The following ATP2C2 variants were observed in gnomAD, a reference collection of about 807,000 sequenced individuals.
The protein encoded by ATP2C2 is calcium-transporting ATPase type 2C member 2.
ATP2C2 carries 171 observed loss-of-function variants against 110.8 expected under a neutral mutation model. The observed-to-expected ratio is 1.54, with a 90% CI of 1.36 to 1.75. The LOEUF (loss-of-function observed/expected upper bound fraction) is 1.75, where lower values mean the gene tolerates loss of function less well. Among genes scored for constraint, ATP2C2 ranks in the 40% most tolerant of loss-of-function variants. The pLI, the probability that ATP2C2 is intolerant of heterozygous loss-of-function variation, is 0.00. For missense variants in ATP2C2, 1,963 were observed against 1,235.0 expected (o/e 1.59, Z -8.84); for synonymous variants, 804 against 508.4 (o/e 1.58, Z -7.82).
At chr16:84,409,919 G>A (rs528989373) in intron 4 of ATP2C2, among the ~76,000 whole-genome samples, 7 of 152,226 alleles carry the variant, frequency 4.6e-5, no homozygotes, top group Admixed American at 1.3e-4. Flanking sequence ...CAATTAAAAG[G>A]CTGGAGTAGG....
rs1437204523 is a variant in ATP2C2, at chr16:84,412,334, CTG to C, written c.515+1571_515+1572del. Reference sequence around the variant, plus strand: ...TCTGCACGTGTGTGTGCGTGTGTGTCTGTATGCGTGTGTCTGCGTGCGTGTGT... The same window carrying C: ...TCTGCACGTGTGTGTGCGTGTGTGTCTATGCGTGTGTCTGCGTGCGTGTGT... On this transcript the variant is annotated intron_variant, in intron 6 of 26. Coordinates refer to ENST00000262429, the MANE Select transcript of ATP2C2 (RefSeq NM_014861.4). Among the ~76,000 whole-genome samples, 8 of 127,748 alleles carry C rather than the reference CTG, an allele frequency of 6.3e-5. 1 individual carries two copies. The highest frequency in any genetic ancestry group is 5.1e-4 in the South Asian group (2 of 3,914). The allele number at this position is 127,748 out of a possible 152,430, so 83.8% of individuals were successfully genotyped here.
chr16:84,398,672 C>T, intron 2 of ATP2C2, 63 bp downstream of exon 2: 2 of 1,343,966 alleles, frequency 1.5e-6, no homozygotes, highest in South Asian at 1.3e-5. Context: ...AAGAAAGCAA[C>T]ACAAAGCCCT....
At chr16:84,384,952 G>A (rs930098033) in intron 1 of ATP2C2, among the ~76,000 whole-genome samples, 3 of 152,220 alleles carry the variant, frequency 2.0e-5, no homozygotes, top group African/African-American at 7.2e-5. Context: ...AGGAGGCTGA[G>A]GCAGGAGTAT....
chr16:84,419,208 T>TAAAAA (rs59552270), intron 7 of ATP2C2, among the ~76,000 whole-genome samples: 21 of 47,490 alleles, frequency 4.4e-4, no homozygotes, highest in Middle Eastern at 0.018. Flanking sequence ...ACCCCATCTT[T>TAAAAA]AAAAAAAAAA....
chr16:84,425,935 C>T (rs957324090), intron 11 of ATP2C2, 134 bp downstream of exon 11: 7 of 1,084,600 alleles, frequency 6.5e-6, no homozygotes, highest in African/African-American at 4.7e-5. Flanking sequence ...ACCCAAACTC[C>T]AGCCTCCCAA....
intron 21 of ATP2C2, among the ~76,000 whole-genome samples, chr16:84,456,465 C>T (rs1303798785): frequency 2.1e-5 from 3 of 142,838 alleles, no homozygotes; most frequent in African/African-American, 7.8e-5. Context: ...CGCTCCTATT[C>T]AACATAGTGT....
chr16:84,455,489 C>G (rs966228642), intron 21 of ATP2C2, among the ~76,000 whole-genome samples: 1 of 152,164 alleles, frequency 6.6e-6, no homozygotes, highest in Non-Finnish European at 1.5e-5. Flanking sequence ...CGGAGGTGCT[C>G]TCTAGGTTCT....
Position 84,412,454 on chromosome 16 carries a change from G to A in ATP2C2, c.515+1689G>A, listed in dbSNP as rs569595616. Among the ~76,000 whole-genome samples, 319 of 124,634 alleles carry A rather than the reference G, an allele frequency of 2.6e-3. 4 individuals carry two copies. Among genetic ancestry groups the A allele is most frequent in the African/African-American group, 7.8e-3 (303 of 38,866 alleles). The allele number at this position is 124,634 out of a possible 152,430, so 81.8% of individuals were successfully genotyped here. A position where few individuals can be genotyped will look rare whatever the true frequency, so the allele number is the denominator to read the frequency against. The stretch of plus-strand genomic sequence containing the variant: ...CGTGTGTGTATGCATGTGTGTGTCT[G>A]TGTCTCCGTGTGTGTGTCTGTGCAT... On this transcript the variant is annotated intron_variant, in intron 6 of 26. Coordinates refer to ENST00000262429, the MANE Select transcript of ATP2C2 (RefSeq NM_014861.4).
chr16:84,383,104 G>A (rs1223863350), intron 1 of ATP2C2, among the ~76,000 whole-genome samples: 2 of 152,302 alleles, frequency 1.3e-5, no homozygotes, highest in African/African-American at 4.8e-5. Flanking sequence ...GTTCCTGGGA[G>A]CCACTGTCCT....
intron 21 of ATP2C2, among the ~76,000 whole-genome samples, chr16:84,455,700 T>C (rs904232233): frequency 1.3e-5 from 2 of 151,546 alleles, no homozygotes; most frequent in Non-Finnish European, 2.9e-5. Context: ...TCGTGCACTT[T>C]ACAAAGGTGT....
chr16:84,461,702 C>G lies in ATP2C2; in HGVS notation c.2482-12C>G. On this transcript the variant is annotated splice_polypyrimidine_tract_variant and intron_variant, in intron 24 of 26. Transcript: ENST00000262429. ...TCCCGCCTAACCTCTCACCTTTGTG[C>G]TCACCTTCCAGATGCCTGAAGACAG... 1 of 1,611,750 alleles carries G rather than the reference C, an allele frequency of 6.2e-7. No individual in the cohort carries two copies. The highest frequency in any genetic ancestry group is 8.5e-7 in the Non-Finnish European group (1 of 1,177,780).
chr16:84,416,571 A>C (rs1327604901), intron 7 of ATP2C2, among the ~76,000 whole-genome samples: 1 of 152,108 alleles, frequency 6.6e-6, no homozygotes, highest in Non-Finnish European at 1.5e-5. Flanking sequence ...CTGTCTGTGA[A>C]ATAGGAGGCA....
chr16:84,455,029 G>T (rs757116129), intron 21 of ATP2C2, 45 bp downstream of exon 21: 3 of 1,578,416 alleles, frequency 1.9e-6, no homozygotes, highest in Admixed American at 3.4e-5. Context: ...AAATGCCTGG[G>T]GTCACCAGCT....
At chr16:84,461,522 A>G (rs1052058475) in intron 24 of ATP2C2, 192 bp from the exon 25 acceptor site, 9 of 639,560 alleles carry the variant, frequency 1.4e-5, no homozygotes, top group Non-Finnish European at 2.5e-5. Context: ...GCAGCAAATC[A>G]GCATGTGCTG....
At chr16:84,405,793 G>A (rs934012113) in intron 3 of ATP2C2, among the ~76,000 whole-genome samples, 1 of 152,142 alleles carries the variant, frequency 6.6e-6, no homozygotes. Flanking sequence ...GGTAGTGGAT[G>A]CCTGTAATCC....
At chr16:84,386,106 G>A (rs1890356141) in intron 1 of ATP2C2, among the ~76,000 whole-genome samples, 2 of 151,950 alleles carry the variant, frequency 1.3e-5, no homozygotes, top group Admixed American at 6.6e-5. Context: ...GCTTCATTTT[G>A]TACTTTCTGT....
chr16:84,455,058 C>A, intron 21 of ATP2C2, 74 bp downstream of exon 21: 4 of 1,254,938 alleles, frequency 3.2e-6, no homozygotes, highest in Non-Finnish European at 4.4e-6. Flanking sequence ...GAACCTGCTA[C>A]TGTGGAGATA....
rs370814551 is a variant in ATP2C2, at chr16:84,425,780, G to C, written c.965G>C (p.Ser322Thr). ...IGWSQGKQLL[S>T]MFTIGVSLAV... ...TGGTCGCAAGGGAAACAACTCCTGA[G>C]TATGTTCACGATCGGGGTCAGGTAA... is the stretch of plus-strand genomic sequence containing the variant. The change falls in exon 11 of 27, where the codon AGT (serine) becomes ACT (threonine). Residue 322 changes from serine (S) to threonine (T), a missense_variant. Transcript: ENST00000262429. The C allele has an allele frequency of 8.7e-6, 14 of 1,614,164 alleles. No homozygotes were observed. Among genetic ancestry groups the C allele is most frequent in the East Asian group, 2.2e-5 (1 of 44,880 alleles).
intron 1 of ATP2C2, among the ~76,000 whole-genome samples, chr16:84,397,978 G>A (rs1182947086): frequency 6.6e-6 from 1 of 151,828 alleles, no homozygotes; most frequent in South Asian, 2.1e-4. Context: ...TTACCCCTCA[G>A]GTAGGTAGGT....
Sources: gnomAD v4.1 joint callset for allele counts (sites outside exome capture counted in the v4.1 genomes callset) on GRCh38, gnomAD v4.1.1 for gene constraint, MANE v1.5 for transcripts, NCBI Gene and HGNC (gene_info 2026-07-23, HGNC 2026-07-21) for gene names.